The following SEMA3B variants were observed in gnomAD, a reference collection of about 807,000 sequenced individuals.
SEMA3B encodes the protein semaphorin 3B, also known as semaphorin-3B.
A neutral mutation model predicts 77.8 loss-of-function variants in SEMA3B; 71 were observed. The ratio of observed to expected loss-of-function variants is 0.91; its 90% CI spans 0.75 to 1.11. The LOEUF is 1.11. Ranked by LOEUF, SEMA3B falls within the 50% of genes most tolerant of loss-of-function variation. The pLI, the probability that SEMA3B is intolerant of heterozygous loss-of-function variation, is 0.00. For synonymous variants in SEMA3B, 470 were observed against 452.9 expected (o/e 1.04, Z -0.48); for missense variants, 968 against 1,056.8 (o/e 0.92, Z 1.17).
chr3:50,274,124 G>A lies in SEMA3B; in HGVS notation c.1137+67G>A. ...CTCAAGGGTTTGAGAACTTGGCCTG[G>A]GGTCTTCTTGGTGAATGTGGTTTCT... On this transcript the variant is annotated intron_variant, in intron 10 of 16. Coordinates refer to ENST00000616701, the MANE Select transcript of SEMA3B (RefSeq NM_001290060.2). The surrounding 1 kb of genome is among the most constrained non-coding windows in gnomAD (Gnocchi z 4.7). The A allele has an allele frequency of 1.9e-6, 3 of 1,570,208 alleles. No individual in the cohort carries two copies. Among genetic ancestry groups the A allele is most frequent in the Non-Finnish European group, 2.6e-6 (3 of 1,162,818 alleles).
chr3:50,270,131 C>T lies in SEMA3B; in HGVS notation c.114C>T (p.Leu38=). 1 of 1,551,274 alleles carries T rather than the reference C, an allele frequency of 6.4e-7. No homozygotes were observed. The stretch of plus-strand genomic sequence containing the variant: ...CAGCAGTGTCCTGCCCTGCAGAGCT[C>T]CAGGCCTGGCATGGTCTCCAGACTT... ...PPRLRLSFQE[L]QAWHGLQTFS... is the part of the protein sequence containing the mutation. Residue 38 remains leucine, a synonymous_variant, in exon 2 of 17, where the codon CTC becomes CTT. Coordinates refer to ENST00000616701, the MANE Select transcript of SEMA3B (RefSeq NM_001290060.2). The surrounding 1 kb of genome is among the most constrained non-coding windows in gnomAD (Gnocchi z 4.7).
intron 6 of SEMA3B, among the ~76,000 whole-genome samples, chr3:50,272,774 G>T (rs1553705573): frequency 6.6e-6 from 1 of 150,750 alleles, no homozygotes; most frequent in Non-Finnish European, 1.5e-5. Context: ...TACTTGGGAG[G>T]CTGAGGTTGC....
upstream of SEMA3B, among the ~76,000 whole-genome samples, chr3:50,265,066 A>G (rs1160450110): frequency 6.6e-6 from 1 of 152,282 alleles, no homozygotes; most frequent in African/African-American, 2.4e-5. Context: ...CTAATCTTTC[A>G]AAAAAGGTGG....
chr3:50,270,858 TG>T lies in SEMA3B; in HGVS notation c.331-27del, dbSNP rs1559785927. ...CTGGGACCTCTTAAGGCTACGTCCC[TG>T]GGGGAAGCCTCACACCTCCAACCCT... On this transcript the variant is annotated intron_variant, in intron 3 of 16. Coordinates refer to ENST00000616701, the MANE Select transcript of SEMA3B (RefSeq NM_001290060.2). The surrounding 1 kb of genome is among the most constrained non-coding windows in gnomAD (Gnocchi z 4.7). The T allele has an allele frequency of 1.3e-6, 2 of 1,570,948 alleles. No individual in the cohort carries two copies. Among genetic ancestry groups the T allele is most frequent in the Admixed American group, 1.9e-5 (1 of 53,088 alleles).
In SEMA3B at chr3:50,276,268, G is replaced by A. The variant is rs1553706664; in HGVS notation, c.1846-34G>A. On this transcript the variant is annotated intron_variant, in intron 16 of 16. Transcript: ENST00000616701. The surrounding 1 kb of genome is among the most constrained non-coding windows in gnomAD (Gnocchi z 5.8). ...GGCCCGGAAGCCCTGTTCCCGGCCC[G>A]ACACCCCCGCCTCACGCTGCCCTCT... 6.9e-7 allele frequency: 1 copy of A among 1,445,720 alleles called. No individual in the cohort carries two copies. The highest frequency in any genetic ancestry group is 1.4e-5 in the South Asian group (1 of 71,156). 89.6% of individuals were successfully genotyped at this position (1,445,720 alleles called of 1,614,324 possible).
At chr3:50,268,314 C>G (rs1218911669), upstream of SEMA3B, among the ~76,000 whole-genome samples, 2 of 152,232 alleles carry the variant, frequency 1.3e-5, no homozygotes, top group Non-Finnish European at 2.9e-5. Context: ...TAGCACTTCT[C>G]CCTCTGAGGA....
chr3:50,275,881 C>G lies in SEMA3B; in HGVS notation c.1845+37C>G, dbSNP rs1553706586. On this transcript the variant is annotated intron_variant, in intron 16 of 16. Transcript: ENST00000616701. The surrounding 1 kb of genome is among the most constrained non-coding windows in gnomAD (Gnocchi z 7.5). ...TCCGCCCTCCCCGCCAGGCTCCTGT[C>G]CCACCCCCTGCATCCAGGAGAGGCC... 1 of 1,550,816 alleles carries G rather than the reference C, an allele frequency of 6.4e-7. No individual in the cohort carries two copies. The highest frequency in any genetic ancestry group is 1.8e-5 in the Admixed American group (1 of 54,758).
At position 50,270,960 on chromosome 3, in the gene SEMA3B, G is replaced by C; in HGVS notation, c.401G>C (p.Gly134Ala). 6.2e-7 allele frequency: 1 copy of C among 1,611,408 alleles called. No individual in the cohort carries two copies. The highest frequency in any genetic ancestry group is 8.5e-7 in the Non-Finnish European group (1 of 1,178,802). ...NRTHLLACGT[G>A]AFHPTCAFVE... is the part of the protein sequence containing the mutation. ...ACCCATTTGCTGGCCTGTGGCACGGGAGCCTTCCACCCAACCTGTGCCTTT... is the reference window on the plus strand; with the variant it reads ...ACCCATTTGCTGGCCTGTGGCACGGCAGCCTTCCACCCAACCTGTGCCTTT... Residue 134 changes from glycine to alanine, a missense_variant, in exon 4 of 17, where the codon GGA (glycine) becomes GCA (alanine). Gly to Ala is a moderately conservative substitution (Grantham distance 60). Coordinates refer to ENST00000616701, the MANE Select transcript of SEMA3B (RefSeq NM_001290060.2). This position sits in a 1 kb window ranked among gnomAD's most constrained non-coding sequence, Gnocchi z 4.7.
At position 50,275,451 on chromosome 3, in the gene SEMA3B, T is replaced by G; in HGVS notation, c.1641T>G (p.Ser547Arg). 1.9e-6 allele frequency: 3 copies of G among 1,606,886 alleles called. No individual in the cohort carries two copies. Among genetic ancestry groups the G allele is most frequent in the Non-Finnish European group, 2.6e-6 (3 of 1,176,082 alleles). The part of the protein sequence containing the change: ...DGVACTRFQP[S>R]AKRRFRRQDV... ...TCGCGTGCACGCGCTTCCAGCCCAG[T>G]GCCAAGAGGTGGGCGGGGTCGGGGT... The change falls in exon 14 of 17, where the codon AGT becomes AGG. Residue 547 changes from serine to arginine, a missense_variant. Ser to Arg is a moderately radical substitution (Grantham distance 110). Transcript: ENST00000616701. The surrounding 1 kb of genome is among the most constrained non-coding windows in gnomAD (Gnocchi z 7.5).
rs587728978 is a variant in SEMA3B at position 50,269,251 on chromosome 3, C to T, written c.11C>T (p.Ala4Val). MGR[A>V]GAAAVIPGLA... is the part of the protein sequence containing the mutation. ...CCCTGAGCTGCTGAGATGGGGCGGG[C>T]CGGGGCTGCCGCCGTGATCCCGGGC... Residue 4 changes from alanine (A) to valine (V), a missense_variant, in exon 1 of 17, where the codon GCC becomes GTC. By Grantham distance (64) the Ala-to-Val change is moderately conservative. Coordinates refer to ENST00000616701, the MANE Select transcript of SEMA3B (RefSeq NM_001290060.2). The surrounding 1 kb of genome is among the most constrained non-coding windows in gnomAD (Gnocchi z 4.0). 11 of 1,536,222 alleles carry T rather than the reference C, an allele frequency of 7.2e-6. No individual in the cohort carries two copies. The South Asian group carries it at 1.1e-4, about 15-fold the overall frequency.
rs1701276783 is a variant in SEMA3B at position 50,276,904 on chromosome 3, C to T, written c.*198C>T. The T allele has an allele frequency of 3.3e-6, 2 of 607,732 alleles. No individual in the cohort carries two copies. Among genetic ancestry groups the T allele is most frequent in the Non-Finnish European group, 5.1e-6 (2 of 388,418 alleles). 37.6% of individuals were successfully genotyped at this position (607,732 alleles called of 1,614,324 possible). On this transcript the variant is annotated 3_prime_UTR_variant, in exon 17 of 17. Coordinates refer to ENST00000616701, the MANE Select transcript of SEMA3B (RefSeq NM_001290060.2). This position sits in a 1 kb window ranked among gnomAD's most constrained non-coding sequence, Gnocchi z 5.8. ...AGGATAACCCTTGAATGTAGCAGCC[C>T]CGGGAGGGCGGCACAGGTCGGGCGC...
rs1170007978 is a variant in SEMA3B at position 50,276,504 on chromosome 3, C to G, written c.2048C>G (p.Pro683Arg). The G allele has an allele frequency of 1.4e-5, 22 of 1,531,536 alleles. No homozygotes were observed. The highest frequency in any genetic ancestry group is 1.9e-5 in the Non-Finnish European group (22 of 1,143,868). The allele number at this position is 1,531,536 out of a possible 1,614,324, so 94.9% of individuals were successfully genotyped here. Residue 683 changes from proline (P) to arginine (R), a missense_variant, in exon 17 of 17, where the codon CCG becomes CGG. Physicochemically the swap from Pro to Arg is moderately radical, Grantham distance 103 (BLOSUM62 -2). Transcript: ENST00000616701. This position sits in a 1 kb window ranked among gnomAD's most constrained non-coding sequence, Gnocchi z 5.8. ...GAGGAGGCTGCGCCCGCCGCGCCGC[C>G]GGGCCCCAAACTCTGGTACCGGGAC... ...RAEEAAPAAP[P>R]GPKLWYRDFL...
upstream of SEMA3B, among the ~76,000 whole-genome samples, chr3:50,264,395 A>G (rs1700868478): frequency 6.6e-6 from 1 of 152,166 alleles, no homozygotes; most frequent in South Asian, 2.1e-4. Flanking sequence ...GCAAGAGTGC[A>G]TACCTGTGGT....
chr3:50,269,093 T>C (rs1700972803), upstream of SEMA3B: 1 of 633,074 alleles, frequency 1.6e-6, no homozygotes, highest in Non-Finnish European at 2.8e-6. This position sits in a 1 kb window ranked among gnomAD's most constrained non-coding sequence, Gnocchi z 4.0. Flanking sequence ...CTAGGGGCTG[T>C]AATCTGATCC....
At position 50,274,876 on chromosome 3, in the gene SEMA3B, C is replaced by A; in HGVS notation, c.1391C>A (p.Pro464His). The A allele has an allele frequency of 6.2e-7, 1 of 1,611,224 alleles. No homozygotes were observed. The change falls in exon 12 of 17, where the codon CCC becomes CAC. Residue 464 changes from proline to histidine, a missense_variant. Pro to His is a moderately conservative substitution (Grantham distance 77). Coordinates refer to ENST00000616701, the MANE Select transcript of SEMA3B (RefSeq NM_001290060.2). The surrounding 1 kb of genome is among the most constrained non-coding windows in gnomAD (Gnocchi z 4.7). Reference protein sequence around the residue: ...VGTVLKVISVPKGSRPSAEGL... With the variant: ...VGTVLKVISVHKGSRPSAEGL... ...ACGGTGCTGAAGGTGATCTCGGTCC[C>A]CAAGGGCAGTAGGCCCAGCGCAGAG...
upstream of SEMA3B, among the ~76,000 whole-genome samples, chr3:50,264,686 A>G (rs1700871256): frequency 6.6e-6 from 1 of 152,186 alleles, no homozygotes; most frequent in African/African-American, 2.4e-5. Context: ...TCATGAGTGC[A>G]GTGTGCCCTC....
chr3:50,269,115 C>CTA, upstream of SEMA3B: 1 of 695,514 alleles, frequency 1.4e-6, no homozygotes. This position sits in a 1 kb window ranked among gnomAD's most constrained non-coding sequence, Gnocchi z 4.0. Context: ...TGGGGACTCC[C>CTA]CCCCTAGCCT....
At chr3:50,264,391 G>A (rs1302491873), upstream of SEMA3B, among the ~76,000 whole-genome samples, 1 of 152,214 alleles carries the variant, frequency 6.6e-6, no homozygotes, top group Non-Finnish European at 1.5e-5. Flanking sequence ...GGCAGCAAGA[G>A]TGCATACCTG....
chr3:50,270,301 A>C lies in SEMA3B; in HGVS notation c.267+17A>C, dbSNP rs1575466938. On this transcript the variant is annotated intron_variant, in intron 2 of 16. Transcript: ENST00000616701. The surrounding 1 kb of genome is among the most constrained non-coding windows in gnomAD (Gnocchi z 4.7). ...GCCAAGAAGGTGCCAGGGACTCCCA[A>C]CCCCAGCACTCCCCAGGGAAGGAGC... The C allele has an allele frequency of 1.2e-6, 2 of 1,612,220 alleles. No individual in the cohort carries two copies. The highest frequency in any genetic ancestry group is 1.7e-6 in the Non-Finnish European group (2 of 1,178,854).
Sources: allele counts gnomAD v4.1 joint callset (sites outside exome capture counted in the v4.1 genomes callset), GRCh38; gene constraint gnomAD v4.1.1; non-coding constraint Gnocchi (gnomAD v3.1); transcripts MANE v1.5; gene names NCBI Gene and HGNC (gene_info 2026-07-23, HGNC 2026-07-21).